Variants in ABL2 observed in about 807,000 individuals in gnomAD.
ABL2 encodes the protein ABL proto-oncogene 2, non-receptor tyrosine kinase.
A neutral mutation model predicts 107.7 loss-of-function variants in ABL2; 49 were observed. The ratio of observed to expected loss-of-function variants is 0.45; its 90% CI spans 0.36 to 0.58. ABL2 has a LOEUF of 0.58. Among genes scored for constraint, ABL2 ranks in the 20% least tolerant of loss-of-function variants. The pLI is 0.00. For synonymous variants in ABL2, 549 were observed against 548.6 expected (o/e 1.00, Z -0.01); for missense variants, 1,245 against 1,457.0 (o/e 0.85, Z 2.37).
chr1:179,140,921 C>T (rs957754280), intron 1 of ABL2, among the ~76,000 whole-genome samples: 1 of 151,950 alleles, frequency 6.6e-6, no homozygotes, highest in South Asian at 2.1e-4. Flanking sequence ...AGGTGGATCA[C>T]CTGAGGTCAG....
rs774798409 is a variant in ABL2, at chr1:179,109,440, C to A, written c.1827G>T (p.Gly609=). Residue 609 remains glycine, a splice_region_variant and synonymous_variant, in exon 12 of 12, where the codon GGG becomes GGT. Transcript: ENST00000502732. ...TAGAGGCCTGTGCACCTCTGATGAA[C>A]CCTGATGAGAAATGGCCGATCAGTA... The part of the protein sequence containing the change: ...TENSASSLAP[G]FIRGAQASSG... The A allele has an allele frequency of 6.2e-7, 1 of 1,602,406 alleles. No homozygotes were observed.
intron 1 of ABL2, among the ~76,000 whole-genome samples, chr1:179,177,866 G>A (rs1660138604): frequency 6.6e-6 from 1 of 152,080 alleles, no homozygotes; most frequent in Non-Finnish European, 1.5e-5. Context: ...ATGAATTATG[G>A]TCCATTTGGG....
chr1:179,224,409 G>T (rs1663080215), intron 1 of ABL2, among the ~76,000 whole-genome samples: 1 of 151,714 alleles, frequency 6.6e-6, no homozygotes, highest in South Asian at 2.1e-4. Context: ...TGGGACTATA[G>T]GTGCCCGCCA....
At chr1:179,163,125 C>T (rs1356726622) in intron 1 of ABL2, among the ~76,000 whole-genome samples, 2 of 152,108 alleles carry the variant, frequency 1.3e-5, no homozygotes, top group African/African-American at 4.8e-5. Context: ...AGCAAATAAG[C>T]ACATGAAAAG....
chr1:179,108,662 G>C lies in ABL2; in HGVS notation c.2605C>G (p.Leu869Val), dbSNP rs768125812. ...GGAGGGTCCTTCTCTGTAATGGCTA[G>C]ATCCCCAGAGGGTGTTCTGAGAGGA... Reference protein sequence around the residue: ...ALPLRTPSGDLAITEKDPPGV... With the variant: ...ALPLRTPSGDVAITEKDPPGV... Residue 869 changes from leucine to valine, a missense_variant, in exon 12 of 12, where the codon CTA becomes GTA. Leu to Val is a conservative substitution (Grantham distance 32). This residue lies in a region of ABL2 where 761 missense variants were observed against 766.4 expected (regional missense o/e 0.99). Coordinates refer to ENST00000502732, the MANE Select transcript of ABL2 (RefSeq NM_007314.4). 6.2e-7 allele frequency: 1 copy of C among 1,614,074 alleles called. No individual in the cohort carries two copies. Among genetic ancestry groups the C allele is most frequent in the South Asian group, 1.1e-5 (1 of 91,082 alleles).
intron 1 of ABL2, among the ~76,000 whole-genome samples, chr1:179,179,485 C>A (rs1660243850): frequency 6.6e-6 from 1 of 151,330 alleles, no homozygotes; most frequent in Non-Finnish European, 1.5e-5. Flanking sequence ...TAGAAAGTAC[C>A]TAGGAAGAAC....
rs377077096 is a variant in ABL2 at position 179,101,371 on chromosome 1, G to A, written c.*6347C>T. On this transcript the variant is annotated 3_prime_UTR_variant, in exon 12 of 12. Transcript: ENST00000502732. The stretch of plus-strand genomic sequence containing the variant: ...TCTAGGATATTGAGTCAGAAATGAA[G>A]GTATCCTTTTTTTTTTTTTTCTTCT... 122 of 159,314 alleles carry A rather than the reference G, an allele frequency of 7.7e-4. 3 individuals are homozygous for A. The East Asian group carries it at 0.011, about 14-fold the overall frequency. 9.9% of individuals were successfully genotyped at this position (159,314 alleles called of 1,614,324 possible).
chr1:179,201,546 C>A, intron 1 of ABL2: 1 of 339,836 alleles, frequency 2.9e-6, no homozygotes, highest in Non-Finnish European at 5.6e-6. Flanking sequence ...AAAGTAGCAA[C>A]CTGGAACAGA....
At chr1:179,184,551 G>T in intron 1 of ABL2, 1 of 567,676 alleles carries the variant, frequency 1.8e-6, no homozygotes, top group Non-Finnish European at 3.2e-6. Flanking sequence ...CGACTGATAT[G>T]GATGAAGAAG....
chr1:179,139,268 C>T (rs1009481627), intron 1 of ABL2, among the ~76,000 whole-genome samples: 3 of 152,134 alleles, frequency 2.0e-5, no homozygotes, highest in African/African-American at 4.8e-5. Flanking sequence ...AGCAAGACCA[C>T]GAGCCCACCG....
At chr1:179,228,924 C>A (rs1468563358) in intron 1 of ABL2, among the ~76,000 whole-genome samples, 1 of 152,180 alleles carries the variant, frequency 6.6e-6, no homozygotes, top group East Asian at 1.9e-4. Flanking sequence ...TCATCCTTCC[C>A]TCTCCTGAAG....
At position 179,108,794 on chromosome 1, in the gene ABL2, T is replaced by G. The variant is rs776649749; in HGVS notation, c.2473A>C (p.Asn825His). The change falls in exon 12 of 12, where the codon AAT (asparagine) becomes CAT (histidine). Residue 825 changes from asparagine to histidine, a missense_variant. Asn to His is a moderately conservative substitution (Grantham distance 68). Coordinates refer to ENST00000502732, the MANE Select transcript of ABL2 (RefSeq NM_007314.4). ...AGCATGTCATTGGCCCTGTCCACAT[T>G]CTCTTCTGGCTGAGAAGAGGTGGAC... is the stretch of plus-strand genomic sequence containing the variant. ...TVSTSSQPEE[N>H]VDRANDMLPK... is the part of the protein sequence containing the mutation. The G allele has an allele frequency of 6.2e-7, 1 of 1,614,186 alleles. No homozygotes were observed. Among genetic ancestry groups the G allele is most frequent in the South Asian group, 1.1e-5 (1 of 91,080 alleles).
In ABL2 at chr1:179,117,402, T is replaced by G; in HGVS notation, c.1338A>C (p.Lys446Asn). The change falls in exon 8 of 12, where the codon AAA becomes AAC. Residue 446 changes from lysine to asparagine, a missense_variant. Lys to Asn is a moderately conservative substitution (Grantham distance 94). This residue lies in a region of ABL2 where 320 missense variants were observed against 547.0 expected (regional missense o/e 0.59). Transcript: ENST00000502732. ...CTGGTGCTGTCCACTTAATAGGAAA[T>G]TTGGCTCCAGCATGAGCAGTATAAG... The part of the protein sequence containing the change: ...GDTYTAHAGA[K>N]FPIKWTAPES... 6.2e-7 allele frequency: 1 copy of G among 1,614,176 alleles called. No individual in the cohort carries two copies. The highest frequency in any genetic ancestry group is 8.5e-7 in the Non-Finnish European group (1 of 1,180,026).
At chr1:179,202,050 G>T in intron 1 of ABL2, 1 of 356,276 alleles carries the variant, frequency 2.8e-6, no homozygotes, top group Non-Finnish European at 4.2e-6. Context: ...TTGAATAAAT[G>T]TCACTTTTTG....
At chr1:179,181,946 A>ATTTTTTTTTTTTTTTTTTTTTT (rs34828452) in intron 1 of ABL2, among the ~76,000 whole-genome samples, 1 of 91,208 alleles carries the variant, frequency 1.1e-5, no homozygotes. Context: ...AGGCCCGGCT[A>ATTTTTTTTTTTTTTTTTTTTTT]TTTTTTTTTT....
intron 1 of ABL2, among the ~76,000 whole-genome samples, chr1:179,166,482 T>C (rs1659391101): frequency 6.6e-6 from 1 of 150,554 alleles, no homozygotes; most frequent in South Asian, 2.1e-4. Context: ...AACAGGTATA[T>C]GAAAAAATGT....
At chr1:179,110,731 G>A in intron 10 of ABL2, 14 of 1,612,526 alleles carry the variant, frequency 8.7e-6, no homozygotes, top group Non-Finnish European at 1.1e-5. Flanking sequence ...CCTCTTGATG[G>A]ATGTTTAGGT....
intron 1 of ABL2, among the ~76,000 whole-genome samples, chr1:179,135,544 C>G (rs1368142944): frequency 6.6e-6 from 1 of 151,972 alleles, no homozygotes; most frequent in South Asian, 2.1e-4. Flanking sequence ...GCAGCCACCC[C>G]GTCTGGGAAG....
At chr1:179,226,596 C>A (rs1366840192) in intron 1 of ABL2, among the ~76,000 whole-genome samples, 2 of 152,038 alleles carry the variant, frequency 1.3e-5, no homozygotes, top group Non-Finnish European at 2.9e-5. Context: ...CGTGAGCCAC[C>A]GCACCTGGCC....
Sources: gnomAD v4.1 joint callset for allele counts (sites outside exome capture counted in the v4.1 genomes callset) on GRCh38, gnomAD v4.1.1 for gene constraint, gnomAD v4.1.1 regional missense constraint, MANE v1.5 for transcripts, NCBI Gene and HGNC (gene_info 2026-07-23, HGNC 2026-07-21) for gene names.